GRIP1: variants seen among roughly 807,000 people sequenced by gnomAD.
The protein encoded by GRIP1 is glutamate receptor interacting protein 1.
GRIP1 carries 45 observed loss-of-function variants against 129.9 expected under a neutral mutation model. The observed-to-expected ratio is 0.35, with a 90% CI of 0.27 to 0.44. GRIP1 has a LOEUF of 0.44. GRIP1 is among the 20% of genes least tolerant of loss of function. GRIP1 has a pLI of 1.00. For missense variants in GRIP1, 1,196 were observed against 1,396.8 expected (o/e 0.86, Z 2.29); for synonymous variants, 530 against 520.8 (o/e 1.02, Z -0.24).
chr12:66,696,471 C>T (rs1036589486), intron 1 of GRIP1, among the ~76,000 whole-genome samples: 4 of 151,926 alleles, frequency 2.6e-5, no homozygotes, highest in Non-Finnish European at 5.9e-5. Context: ...ACATACTCAG[C>T]ATGAAAAAGA....
At chr12:66,880,198 T>C (rs1251358733) in intron 1 of GRIP1, among the ~76,000 whole-genome samples, 1 of 149,230 alleles carries the variant, frequency 6.7e-6, no homozygotes, top group African/African-American at 2.4e-5. Flanking sequence ...AGGACCGATG[T>C]GTTTAAGAGA....
intron 1 of GRIP1, among the ~76,000 whole-genome samples, chr12:66,658,872 C>T (rs1406275826): frequency 6.6e-6 from 1 of 151,548 alleles, no homozygotes; most frequent in East Asian, 1.9e-4. Context: ...TTCAGTGAGC[C>T]ATGATCATGC....
intron 1 of GRIP1, among the ~76,000 whole-genome samples, chr12:67,049,570 G>C: frequency 6.6e-6 from 1 of 152,128 alleles, no homozygotes; most frequent in East Asian, 1.9e-4. Flanking sequence ...AGGGGTTGAA[G>C]GGGATGGGGA....
At chr12:66,715,471 T>TGTGTGTGTGTGTGTGTGTGAGAGAGA (rs761155485) in intron 1 of GRIP1, among the ~76,000 whole-genome samples, 28 of 110,126 alleles carry the variant, frequency 2.5e-4, no homozygotes, top group Admixed American at 3.7e-4. Context: ...TGTGTGTGTG[T>TGTGTGTGTGTGTGTGTGTGAGAGAGA]GAGAGAGAGA....
intron 1 of GRIP1, among the ~76,000 whole-genome samples, chr12:66,719,885 C>A (rs2036006897): frequency 6.6e-6 from 1 of 152,172 alleles, no homozygotes; most frequent in Non-Finnish European, 1.5e-5. Flanking sequence ...GGTACATTTT[C>A]TCAACGGACA....
intron 2 of GRIP1, among the ~76,000 whole-genome samples, chr12:66,586,421 C>A (rs1240992345): frequency 2.0e-5 from 3 of 152,128 alleles, no homozygotes; most frequent in Non-Finnish European, 2.9e-5. Flanking sequence ...TCCTTCACTG[C>A]CAACCTCTGA....
intron 1 of GRIP1, among the ~76,000 whole-genome samples, chr12:66,722,947 G>C (rs1816226480): frequency 6.6e-6 from 1 of 151,400 alleles, no homozygotes; most frequent in Admixed American, 6.6e-5. Flanking sequence ...AGTTATTTTT[G>C]ATATTTCATA....
chr12:66,834,679 T>C (rs973251612), intron 1 of GRIP1, among the ~76,000 whole-genome samples: 1 of 152,220 alleles, frequency 6.6e-6, no homozygotes, highest in Non-Finnish European at 1.5e-5. Context: ...AGGCATGCAA[T>C]TGGCTGGAGT....
At chr12:66,768,243 T>C (rs2037706974) in intron 1 of GRIP1, among the ~76,000 whole-genome samples, 1 of 152,180 alleles carries the variant, frequency 6.6e-6, no homozygotes, top group East Asian at 1.9e-4. Flanking sequence ...ATTTGAGAAT[T>C]ACTGGTACTT....
At chr12:66,540,768 C>T (rs1229812702) in intron 3 of GRIP1, among the ~76,000 whole-genome samples, 2 of 152,050 alleles carry the variant, frequency 1.3e-5, no homozygotes, top group Middle Eastern at 3.2e-3. Context: ...ACTTTGGCCT[C>T]ACTTTTATTT....
upstream of GRIP1, chr12:66,679,216 T>C (rs2034482092): frequency 9.6e-7 from 1 of 1,040,854 alleles, no homozygotes. Context: ...GACGACACTG[T>C]GTGAGGAGCC....
chr12:67,007,287 C>T (rs911968687), intron 1 of GRIP1, among the ~76,000 whole-genome samples: 1 of 152,160 alleles, frequency 6.6e-6, no homozygotes, highest in Non-Finnish European at 1.5e-5. Context: ...CAATATGTAT[C>T]TCCCAAAATT....
intron 1 of GRIP1, among the ~76,000 whole-genome samples, chr12:66,850,389 T>C (rs1181645437): frequency 2.0e-5 from 3 of 152,166 alleles, no homozygotes; most frequent in South Asian, 2.1e-4. Flanking sequence ...TGTTCCTCTG[T>C]TGAATAATGA....
At chr12:67,000,568 T>C (rs1245291778) in intron 1 of GRIP1, among the ~76,000 whole-genome samples, 12 of 152,236 alleles carry the variant, frequency 7.9e-5, no homozygotes, top group African/African-American at 2.9e-4. Flanking sequence ...ATGTTAGCTT[T>C]GCACTCTAAT....
In GRIP1 at chr12:66,463,021, T is replaced by G; in HGVS notation, c.945A>C (p.Ala315=). Residue 315 remains alanine, a synonymous_variant, in exon 9 of 25, where the codon GCA becomes GCC. Transcript: ENST00000359742. ...TGTTGGCCAGGAACTGGGTTGCTTCTGCAAGTGTACAGTACTCCATGCTGG... is the reference window on the plus strand; with the variant it reads ...TGTTGGCCAGGAACTGGGTTGCTTCGGCAAGTGTACAGTACTCCATGCTGG... ...DGTSMEYCTL[A]EATQFLANTT... 2 of 1,613,870 alleles carry G rather than the reference T, an allele frequency of 1.2e-6. No individual in the cohort carries two copies. The highest frequency in any genetic ancestry group is 8.5e-7 in the Non-Finnish European group (1 of 1,179,842).
rs182618663 is a variant in GRIP1, at chr12:66,389,516, C to T, written c.2464+2792G>A. On this transcript the variant is annotated intron_variant, in intron 19 of 24. Transcript: ENST00000359742. ...GTGCTGGGAATATAGGCCTGAGCCA[C>T]TGCACCCAGCTGTGCCTTGCTTTTA... Among the ~76,000 whole-genome samples the T allele has an allele frequency of 6.4e-3, 977 of 152,316 alleles. 7 individuals are homozygous for T. Among genetic ancestry groups the T allele is most frequent in the Non-Finnish European group, 0.011 (722 of 68,026 alleles).
chr12:66,442,783 G>A (rs769341168), intron 13 of GRIP1, among the ~76,000 whole-genome samples: 7 of 152,038 alleles, frequency 4.6e-5, no homozygotes, highest in African/African-American at 7.2e-5. Context: ...TGATCCTCCC[G>A]CCTTGGCCTC....
At chr12:66,984,383 T>G (rs1178142513) in intron 1 of GRIP1, among the ~76,000 whole-genome samples, 1 of 152,200 alleles carries the variant, frequency 6.6e-6, no homozygotes, top group Non-Finnish European at 1.5e-5. Flanking sequence ...TACAAGGTAA[T>G]CATAATCAGT....
At chr12:66,519,219 G>C (rs564099804) in intron 5 of GRIP1, among the ~76,000 whole-genome samples, 4 of 152,194 alleles carry the variant, frequency 2.6e-5, no homozygotes, top group Non-Finnish European at 5.9e-5. Context: ...CAAGTGATTT[G>C]TTTAGTGTGA....
Sources: gnomAD v4.1 joint callset for allele counts (sites outside exome capture counted in the v4.1 genomes callset) on GRCh38, gnomAD v4.1.1 for gene constraint, MANE v1.5 for transcripts, NCBI Gene and HGNC (gene_info 2026-07-23, HGNC 2026-07-21) for gene names.